The following ZC3H12B variants were observed in gnomAD, a reference collection of about 807,000 sequenced individuals.
ZC3H12B encodes probable ribonuclease ZC3H12B.
ZC3H12B carries 7 observed loss-of-function variants against 43.9 expected under a neutral mutation model. That is an observed-to-expected ratio of 0.16 (90% CI 0.09 to 0.30). ZC3H12B has a LOEUF of 0.30. ZC3H12B is among the 10% of genes least tolerant of loss of function. The probability of loss-of-function intolerance (pLI) is 1.00; values close to 1 mark genes in which losing one functional copy is unlikely to be tolerated. For synonymous variants in ZC3H12B, 222 were observed against 241.7 expected, an observed-to-expected ratio of 0.92 and a Z score of 0.76; for missense variants, 475 against 670.2, an observed-to-expected ratio of 0.71 and a Z score of 3.22.
At chrX:65,301,595 G>A in the ZC3H12B span, among the ~76,000 whole-genome samples, 3 of 110,987 alleles carry the variant, frequency 2.7e-5, no homozygotes, top group South Asian at 1.1e-3. Context: ...TCTAAGTCAA[G>A]TAACTCAGGA....
At chrX:65,318,146 G>A in the ZC3H12B span, among the ~76,000 whole-genome samples, 49 of 107,366 alleles carry the variant, frequency 4.6e-4, no homozygotes, top group African/African-American at 1.7e-3. Context: ...CAGCAGGCTA[G>A]AAGTGTTCCC....
rs147861972 is a variant in ZC3H12B, at chrX:65,373,096, C to A, written n.295+4098C>A. 5.1e-3 allele frequency among the ~76,000 whole-genome samples: 574 copies of A among 111,474 alleles called. 8 individuals carry two copies. The highest frequency in any genetic ancestry group is 0.018 in the African/African-American group (546 of 30,731). The stretch of plus-strand genomic sequence containing the variant: ...ATCTGAGTCTGTTTCTTCAGGAATC[C>A]CTGTTCAACAGGGATTATGCCATTC... On this transcript the variant is annotated intron_variant and non_coding_transcript_variant, in intron 2 of 5. Coordinates refer to the ZC3H12B transcript ENST00000617377.
the ZC3H12B span, among the ~76,000 whole-genome samples, chrX:65,202,250 C>T: frequency 1.1e-5 from 1 of 93,289 alleles, no homozygotes; most frequent in Admixed American, 1.2e-4. Flanking sequence ...TGAAAACAGA[C>T]GAATATAGTC....
At chrX:65,157,885 T>G in the ZC3H12B span, among the ~76,000 whole-genome samples, 1 of 103,268 alleles carries the variant, frequency 9.7e-6, no homozygotes, top group East Asian at 3.3e-4. Flanking sequence ...ACTCGTCATT[T>G]AGCATTAGGT....
intron 3 of ZC3H12B, among the ~76,000 whole-genome samples, chrX:65,478,710 G>T (rs1376681378): frequency 8.9e-6 from 1 of 112,246 alleles, no homozygotes; most frequent in Admixed American, 9.5e-5. Flanking sequence ...CACCTAGAAA[G>T]CATTTGACAA....
chrX:65,175,675 G>T, the ZC3H12B span, among the ~76,000 whole-genome samples: 1 of 111,505 alleles, frequency 9.0e-6, no homozygotes, highest in South Asian at 3.8e-4. Flanking sequence ...TCGAACTGAG[G>T]TACCTGGGTC....
chrX:65,071,993 G>T, the ZC3H12B span, among the ~76,000 whole-genome samples: 1 of 111,477 alleles, frequency 9.0e-6, no homozygotes, highest in Non-Finnish European at 1.9e-5. Flanking sequence ...TTTGAATATT[G>T]ACCTCCCTAG....
In ZC3H12B at chrX:65,457,443, G is replaced by T. The variant is rs1473219707; in HGVS notation, n.408-31203G>T. Among the ~76,000 whole-genome samples, 149 of 80,863 alleles carry T rather than the reference G, an allele frequency of 1.8e-3. 1 individual carries two copies. The highest frequency in any genetic ancestry group is 8.6e-3 in the African/African-American group (142 of 16,487). 70.2% of individuals were successfully genotyped at this position (80,863 alleles called of 115,157 possible). On this transcript the variant is annotated intron_variant and non_coding_transcript_variant, in intron 3 of 5. Transcript: ENST00000617377. ...GGCCGCCCCGTCCGGGAGGGTGGTG[G>T]GGGGGTCAGCCCCCCGCCCGGCCAG...
intron 3 of ZC3H12B, among the ~76,000 whole-genome samples, chrX:65,409,887 A>C (rs987224548): frequency 9.0e-6 from 1 of 111,121 alleles, no homozygotes; most frequent in African/African-American, 3.3e-5. Context: ...TTCATACTAC[A>C]CAAAGCAATC....
chrX:65,113,573 A>C, the ZC3H12B span, among the ~76,000 whole-genome samples: 2 of 109,955 alleles, frequency 1.8e-5, no homozygotes, highest in Non-Finnish European at 3.8e-5. Flanking sequence ...TATAAAAAAA[A>C]AAAATGCTAT....
chrX:65,110,075 T>A, the ZC3H12B span, among the ~76,000 whole-genome samples: 2,074 of 111,484 alleles, frequency 0.019, 24 homozygotes, highest in Non-Finnish European at 0.028. Flanking sequence ...ATCATCTTTT[T>A]ATGTGCGTGT....
rs769386809 is a variant in ZC3H12B at position 65,488,906 on chromosome X, T to C, written c.105T>C (p.Asp35=). 5 of 1,208,349 alleles carry C rather than the reference T, an allele frequency of 4.1e-6. No homozygotes were observed. The Admixed American group carries it at 8.8e-5, about 21-fold the overall frequency. ...ACAGCACAGAGCAGGGCAATGCTGA[T>C]TCTGAAGAGTGGATGAGCTCTGAGA... Residue 35 remains aspartate (D), a synonymous_variant, in exon 1 of 5, where the codon GAT becomes GAC. Transcript: ENST00000338957.
intron 2 of ZC3H12B, among the ~76,000 whole-genome samples, chrX:65,373,910 TA>T (rs370272309): frequency 0.19 from 322 of 1,706 alleles, 30 homozygotes; most frequent in Middle Eastern, 1. Context: ...TATATATAGT[TA>T]TATATATATA....
the ZC3H12B span, among the ~76,000 whole-genome samples, chrX:65,200,920 T>C: frequency 1.8e-5 from 2 of 111,707 alleles, no homozygotes; most frequent in African/African-American, 3.3e-5. Flanking sequence ...AGCATTTTGA[T>C]GTGATGCTGG....
At chrX:65,365,406 C>A (rs934057527), upstream of ZC3H12B, among the ~76,000 whole-genome samples, 1 of 110,764 alleles carries the variant, frequency 9.0e-6, no homozygotes, top group Non-Finnish European at 1.9e-5. Flanking sequence ...CATACAAAAC[C>A]GCATCCAGGC....
the ZC3H12B span, among the ~76,000 whole-genome samples, chrX:65,343,307 T>A: frequency 4.5e-5 from 5 of 112,189 alleles, no homozygotes; most frequent in South Asian, 1.5e-3. Flanking sequence ...GAGGAGGGAC[T>A]CTTTCCTAAC....
the ZC3H12B span, among the ~76,000 whole-genome samples, chrX:65,211,591 T>TA: frequency 5.0e-5 from 5 of 100,919 alleles, no homozygotes; most frequent in African/African-American, 1.8e-4. Context: ...TAGTAATTGA[T>TA]AGAGTTGGAT....
the ZC3H12B span, among the ~76,000 whole-genome samples, chrX:65,254,431 C>T: frequency 8.9e-6 from 1 of 112,519 alleles, no homozygotes; most frequent in Admixed American, 9.4e-5. Flanking sequence ...GCATGCAGCA[C>T]AACAGTGTTG....
chrX:65,328,342 C>T, the ZC3H12B span: 2 of 229,164 alleles, frequency 8.7e-6, no homozygotes. Flanking sequence ...TCTGTGTTTC[C>T]ATGAGATTTC....
Sources: allele counts gnomAD v4.1 joint callset (sites outside exome capture counted in the v4.1 genomes callset), GRCh38; gene constraint gnomAD v4.1.1; transcripts MANE v1.5; gene names NCBI Gene and HGNC (gene_info 2026-07-23, HGNC 2026-07-21).